XKR4: variants seen among roughly 807,000 people sequenced by gnomAD.
XKR4 encodes XK-related protein 4.
Under a neutral mutation model 53.9 loss-of-function variants are expected in XKR4, and 12 were observed. The ratio of observed to expected loss-of-function variants is 0.22; its 90% CI spans 0.14 to 0.36. XKR4 has a LOEUF of 0.36. Ranked by LOEUF, XKR4 falls within the 10% of genes least tolerant of loss-of-function variation. The pLI is 1.00. For synonymous variants in XKR4, 354 were observed against 362.4 expected (o/e 0.98, Z 0.26); for missense variants, 799 against 859.5 (o/e 0.93, Z 0.88).
chr8:55,233,620 C>G (rs887666714), intron 1 of XKR4, among the ~76,000 whole-genome samples: 1 of 152,250 alleles, frequency 6.6e-6, no homozygotes, highest in African/African-American at 2.4e-5. Flanking sequence ...CCTGATTGTT[C>G]AGTCACACTG....
chr8:55,442,273 G>T (rs563250032), intron 2 of XKR4, among the ~76,000 whole-genome samples: 66 of 152,256 alleles, frequency 4.3e-4, no homozygotes, highest in Admixed American at 1.4e-3. Context: ...GATTCAAAAT[G>T]AAATAGATAC....
chr8:55,506,736 T>C (rs1024203359), intron 2 of XKR4, among the ~76,000 whole-genome samples: 1 of 152,194 alleles, frequency 6.6e-6, no homozygotes. Flanking sequence ...AGATGAAAAG[T>C]CCATACAGAC....
intron 1 of XKR4, among the ~76,000 whole-genome samples, chr8:55,288,209 G>A (rs772947723): frequency 3.9e-5 from 6 of 152,116 alleles, no homozygotes; most frequent in African/African-American, 7.2e-5. Flanking sequence ...TCCACCAAGG[G>A]GACATTCAGT....
intron 2 of XKR4, among the ~76,000 whole-genome samples, chr8:55,477,255 C>T (rs1228728273): frequency 6.6e-6 from 1 of 152,068 alleles, no homozygotes; most frequent in African/African-American, 2.4e-5. Flanking sequence ...CTACAGCCAC[C>T]ACTGTTCTGC....
chr8:55,386,303 C>G (rs555692984), intron 2 of XKR4, among the ~76,000 whole-genome samples: 4 of 152,218 alleles, frequency 2.6e-5, no homozygotes, highest in African/African-American at 9.6e-5. Context: ...GATATCCACA[C>G]GGGATGCAGC....
chr8:55,247,926 G>A (rs1459161473), intron 1 of XKR4, among the ~76,000 whole-genome samples: 1 of 143,478 alleles, frequency 7.0e-6, no homozygotes, highest in Non-Finnish European at 1.5e-5. Flanking sequence ...CACAGTCTCG[G>A]CTCACTGCAA....
At chr8:55,234,431 C>T (rs189041292) in intron 1 of XKR4, among the ~76,000 whole-genome samples, 6 of 152,150 alleles carry the variant, frequency 3.9e-5, no homozygotes, top group African/African-American at 1.4e-4. Context: ...TTTTAGATCA[C>T]CCCAAATTGA....
chr8:55,217,280 T>C (rs1817816239), intron 1 of XKR4, among the ~76,000 whole-genome samples: 1 of 149,390 alleles, frequency 6.7e-6, no homozygotes, highest in African/African-American at 2.5e-5. Context: ...GTCCTTTCAC[T>C]GAAAAAATAA....
intron 1 of XKR4, among the ~76,000 whole-genome samples, chr8:55,121,335 T>TA (rs1181466604): frequency 1.3e-5 from 2 of 152,124 alleles, no homozygotes; most frequent in African/African-American, 4.8e-5. Context: ...TTCCCACACT[T>TA]ACCAATTTCT....
chr8:55,132,648 C>T (rs955800671), intron 1 of XKR4, among the ~76,000 whole-genome samples: 3 of 152,138 alleles, frequency 2.0e-5, no homozygotes, highest in Non-Finnish European at 4.4e-5. Context: ...AACCTCTGCA[C>T]TAGAATCCCG....
At chr8:55,346,933 A>C (rs1335753851) in intron 1 of XKR4, among the ~76,000 whole-genome samples, 4 of 152,220 alleles carry the variant, frequency 2.6e-5, no homozygotes, top group Non-Finnish European at 5.9e-5. Flanking sequence ...GCATAGTATC[A>C]TCATAGGTAT....
intron 1 of XKR4, among the ~76,000 whole-genome samples, chr8:55,110,838 C>T (rs1350522639): frequency 6.6e-6 from 1 of 151,990 alleles, no homozygotes; most frequent in Non-Finnish European, 1.5e-5. Context: ...CGTTTGCAGC[C>T]TCCACTGTTA....
intron 1 of XKR4, among the ~76,000 whole-genome samples, chr8:55,200,622 C>T (rs1236864970): frequency 6.6e-6 from 1 of 152,164 alleles, no homozygotes; most frequent in Non-Finnish European, 1.5e-5. Context: ...TCCAATAAGT[C>T]AGGTTATTCT....
intron 1 of XKR4, among the ~76,000 whole-genome samples, chr8:55,171,578 C>T (rs1368550581): frequency 6.6e-6 from 1 of 152,198 alleles, no homozygotes; most frequent in African/African-American, 2.4e-5. Context: ...GGTTCCTCGT[C>T]TGTATGTTCT....
At position 55,196,094 on chromosome 8, in the gene XKR4, C is replaced by G. The variant is rs16921364; in HGVS notation, c.806+92800C>G. Among the ~76,000 whole-genome samples the G allele has an allele frequency of 3.0e-3, 458 of 151,976 alleles. 6 individuals carry two copies. Among genetic ancestry groups the G allele is most frequent in the East Asian group, 0.026 (135 of 5,180 alleles). On this transcript the variant is annotated intron_variant, in intron 1 of 2. Transcript: ENST00000327381. The stretch of plus-strand genomic sequence containing the variant: ...CTGCAGGTCAGGCAGAGAGAAGCCA[C>G]TCAGTCAAGAGACAGTTTCCCTCTA...
intron 1 of XKR4, among the ~76,000 whole-genome samples, chr8:55,258,217 G>A (rs769771413): frequency 1.3e-5 from 2 of 152,232 alleles, no homozygotes; most frequent in Non-Finnish European, 2.9e-5. Context: ...GTCTTCCCGA[G>A]GGAAAGCGAC....
At chr8:55,444,772 T>C (rs1346025708) in intron 2 of XKR4, among the ~76,000 whole-genome samples, 3 of 152,198 alleles carry the variant, frequency 2.0e-5, no homozygotes, top group Non-Finnish European at 4.4e-5. Flanking sequence ...TAGAAAATAA[T>C]TTGGCATCAT....
At chr8:55,307,662 A>G (rs1395073105) in intron 1 of XKR4, among the ~76,000 whole-genome samples, 1 of 152,136 alleles carries the variant, frequency 6.6e-6, no homozygotes, top group Non-Finnish European at 1.5e-5. Flanking sequence ...CAAAAGAAAA[A>G]AGAGAATCTA....
At chr8:55,333,441 T>C (rs934707769) in intron 1 of XKR4, among the ~76,000 whole-genome samples, 1 of 152,170 alleles carries the variant, frequency 6.6e-6, no homozygotes, top group African/African-American at 2.4e-5. Context: ...TGGGCATGCC[T>C]CTACCTTGGG....
Sources: allele counts gnomAD v4.1 joint callset (sites outside exome capture counted in the v4.1 genomes callset), GRCh38; gene constraint gnomAD v4.1.1; transcripts MANE v1.5; gene names NCBI Gene and HGNC (gene_info 2026-07-23, HGNC 2026-07-21).